PAK1: variants seen among roughly 807,000 people sequenced by gnomAD.
PAK1 encodes p21 (RAC1) activated kinase 1, also known as serine/threonine-protein kinase PAK 1.
In PAK1, 29 loss-of-function variants were observed where a neutral mutation model predicts 67.4. That is an observed-to-expected ratio of 0.43 (90% CI 0.32 to 0.59). The LOEUF (loss-of-function observed/expected upper bound fraction) is 0.59, where lower values mean the gene tolerates loss of function less well. Among genes scored for constraint, PAK1 ranks in the 20% least tolerant of loss-of-function variants. The probability of loss-of-function intolerance (pLI) is 0.07; values close to 1 mark genes in which losing one functional copy is unlikely to be tolerated. For synonymous variants in PAK1, 223 were observed against 237.4 expected (o/e 0.94, Z 0.56); for missense variants, 337 against 670.7 (o/e 0.50, Z 5.50).
chr11:77,324,750 TACACACACAC>T (rs142981945), intron 14 of PAK1, among the ~76,000 whole-genome samples: 2 of 140,706 alleles, frequency 1.4e-5, no homozygotes, highest in African/African-American at 3.0e-5. Flanking sequence ...TATATATGTA[TACACACACAC>T]ACACACACAC....
chr11:77,387,901 A>T (rs1417455331), intron 2 of PAK1, among the ~76,000 whole-genome samples: 4 of 152,230 alleles, frequency 2.6e-5, no homozygotes, highest in Middle Eastern at 3.2e-3. Flanking sequence ...GTATCCTTAT[A>T]GGACTAAGTT....
the PAK1 span, among the ~76,000 whole-genome samples, chr11:77,491,764 G>C: frequency 6.6e-6 from 1 of 151,832 alleles, no homozygotes; most frequent in East Asian, 1.9e-4. Flanking sequence ...AGACAGGAAA[G>C]AAGGAAAGAG....
At chr11:77,324,784 GAGAGAGAC>G (rs1177982570) in intron 14 of PAK1, among the ~76,000 whole-genome samples, 3 of 147,632 alleles carry the variant, frequency 2.0e-5, no homozygotes, top group Non-Finnish European at 2.9e-5. Flanking sequence ...CACAGAGAGA[GAGAGAGAC>G]AGAGAGAGAG....
chr11:77,356,880 A>G (rs1946105232), intron 6 of PAK1, among the ~76,000 whole-genome samples: 1 of 152,226 alleles, frequency 6.6e-6, no homozygotes, highest in South Asian at 2.1e-4. Context: ...TTCAGAAGTG[A>G]TCATAAATTA....
At chr11:77,467,914 G>T (rs1412705382) in intron 1 of PAK1, among the ~76,000 whole-genome samples, 1 of 152,150 alleles carries the variant, frequency 6.6e-6, no homozygotes, top group Non-Finnish European at 1.5e-5. Flanking sequence ...CAAATCAAGG[G>T]TTCCACCAGT....
intron 9 of PAK1, among the ~76,000 whole-genome samples, chr11:77,349,028 G>T (rs1944842624): frequency 6.6e-6 from 1 of 151,848 alleles, no homozygotes; most frequent in South Asian, 2.1e-4. Flanking sequence ...AGGAGGCTGA[G>T]GCTGGAGAAC....
At chr11:77,463,918 C>A (rs1957477559) in intron 1 of PAK1, among the ~76,000 whole-genome samples, 1 of 152,164 alleles carries the variant, frequency 6.6e-6, no homozygotes, top group Non-Finnish European at 1.5e-5. Context: ...AGAAAAGCCA[C>A]ATATGTAATC....
At chr11:77,352,679 A>C (rs1415133103) in intron 8 of PAK1, among the ~76,000 whole-genome samples, 1 of 151,916 alleles carries the variant, frequency 6.6e-6, no homozygotes. Flanking sequence ...ACATAAATAT[A>C]CCTTTTTTTT....
the PAK1 span, among the ~76,000 whole-genome samples, chr11:77,492,072 A>G: frequency 7.9e-5 from 12 of 152,324 alleles, no homozygotes; most frequent in African/African-American, 2.9e-4. Flanking sequence ...TGCTAGGGTG[A>G]ATTCAGTCAA....
chr11:77,362,543 A>G (rs912582076), intron 5 of PAK1, among the ~76,000 whole-genome samples: 1 of 152,236 alleles, frequency 6.6e-6, no homozygotes, highest in African/African-American at 2.4e-5. Flanking sequence ...GCTTAGGATC[A>G]AATCACGCCT....
At chr11:77,469,952 AAC>A (rs1327903592) in intron 1 of PAK1, among the ~76,000 whole-genome samples, 1 of 152,148 alleles carries the variant, frequency 6.6e-6, no homozygotes, top group Non-Finnish European at 1.5e-5. Context: ...CTTTATCATA[AAC>A]AGTCAAAAGC....
chr11:77,369,368 T>C (rs764929896), intron 5 of PAK1, among the ~76,000 whole-genome samples: 2 of 151,544 alleles, frequency 1.3e-5, no homozygotes, highest in Non-Finnish European at 2.9e-5. Context: ...TATTCTCAAA[T>C]TTTCTATCTT....
chr11:77,472,235 C>T (rs930399775), intron 1 of PAK1, among the ~76,000 whole-genome samples: 4 of 152,172 alleles, frequency 2.6e-5, no homozygotes, highest in Non-Finnish European at 4.4e-5. Flanking sequence ...TATGGATAAG[C>T]TTCAGGGAAA....
At chr11:77,506,227 T>A in the PAK1 span, among the ~76,000 whole-genome samples, 2 of 152,216 alleles carry the variant, frequency 1.3e-5, no homozygotes, top group South Asian at 2.1e-4. Flanking sequence ...TTCTTGTACA[T>A]AGACGGAAGG....
chr11:77,435,864 TG>T (rs1484630799), intron 1 of PAK1, among the ~76,000 whole-genome samples: 1 of 152,088 alleles, frequency 6.6e-6, no homozygotes. Flanking sequence ...ACAAAATAAC[TG>T]AAAATGGAAG....
At chr11:77,374,650 T>C (rs1366549069) in intron 4 of PAK1, among the ~76,000 whole-genome samples, 1 of 152,206 alleles carries the variant, frequency 6.6e-6, no homozygotes, top group Non-Finnish European at 1.5e-5. Flanking sequence ...GGGTATGTTC[T>C]GTGAAATGTG....
chr11:77,493,035 ATTTC>A, the PAK1 span, among the ~76,000 whole-genome samples: 1 of 152,084 alleles, frequency 6.6e-6, no homozygotes, highest in Non-Finnish European at 1.5e-5. Context: ...AGTCTCAGGT[ATTTC>A]TTTATAGCAA....
chr11:77,504,355 T>G, the PAK1 span, among the ~76,000 whole-genome samples: 72,094 of 151,914 alleles, frequency 0.47, 17,621 homozygotes, highest in East Asian at 0.7. Context: ...CCTAGATTAA[T>G]GGAACACAGC....
intron 5 of PAK1, among the ~76,000 whole-genome samples, chr11:77,371,970 G>A (rs966605159): frequency 2.0e-5 from 3 of 152,132 alleles, no homozygotes; most frequent in Non-Finnish European, 4.4e-5. Flanking sequence ...ACAGTGAAAA[G>A]AACCCTAAAC....
Sources: allele counts gnomAD v4.1 joint callset (sites outside exome capture counted in the v4.1 genomes callset), GRCh38; gene constraint gnomAD v4.1.1; transcripts MANE v1.5; gene names NCBI Gene and HGNC (gene_info 2026-07-23, HGNC 2026-07-21).